Variants in LHFPL6 observed in about 807,000 individuals in gnomAD.
LHFPL6 encodes LHFPL tetraspan subfamily member 6.
LHFPL6 carries 9 observed loss-of-function variants against 20.6 expected under a neutral mutation model. That is an observed-to-expected ratio of 0.44 (90% CI 0.26 to 0.76). LHFPL6 has a LOEUF of 0.76. Among genes scored for constraint, LHFPL6 ranks in the 30% least tolerant of loss-of-function variants. LHFPL6 has a pLI of 0.20. For missense variants in LHFPL6, 218 were observed against 253.5 expected (o/e 0.86, Z 0.95); for synonymous variants, 105 against 98.7 (o/e 1.06, Z -0.38).
chr13:39,594,459 A>G (rs1485589413), intron 2 of LHFPL6, among the ~76,000 whole-genome samples: 1 of 152,248 alleles, frequency 6.6e-6, no homozygotes, highest in African/African-American at 2.4e-5. Context: ...TTAAAAAGTC[A>G]GGAAACAACA....
intron 3 of LHFPL6, among the ~76,000 whole-genome samples, chr13:39,364,550 C>A (rs1018548818): frequency 6.6e-6 from 1 of 152,194 alleles, no homozygotes; most frequent in African/African-American, 2.4e-5. Context: ...GAAACATAAC[C>A]ACATTTCAGC....
chr13:39,432,166 C>T (rs67376226), intron 2 of LHFPL6, among the ~76,000 whole-genome samples: 26,333 of 152,090 alleles, frequency 0.17, 2,630 homozygotes, highest in African/African-American at 0.27. Flanking sequence ...TTTGGACTTC[C>T]CAGCCTCCAA....
intron 2 of LHFPL6, among the ~76,000 whole-genome samples, chr13:39,563,436 G>A (rs7985865): frequency 0.055 from 8,390 of 152,218 alleles, 375 homozygotes; most frequent in African/African-American, 0.12. Context: ...ATTCCTAAGT[G>A]ACTAGAATAC....
intron 2 of LHFPL6, among the ~76,000 whole-genome samples, chr13:39,562,547 CATAT>C (rs1440643633): frequency 2.9e-5 from 4 of 137,604 alleles, no homozygotes; most frequent in African/African-American, 1.0e-4. Flanking sequence ...TACACATATA[CATAT>C]ATACACATAC....
chr13:39,517,496 A>G (rs9532386), intron 2 of LHFPL6, among the ~76,000 whole-genome samples: 32,125 of 151,976 alleles, frequency 0.21, 4,107 homozygotes, highest in South Asian at 0.39. Context: ...CTTTATCACT[A>G]TTGTCTATAC....
Position 39,573,594 on chromosome 13 carries a change from G to T in LHFPL6, c.385+27238C>A, listed in dbSNP as rs117278930. ...ACTTTAAATGCCCTTCTTTTACATG[G>T]TATAACTTTTTACAAAATACTTTCG... On this transcript the variant is annotated intron_variant, in intron 2 of 3. Coordinates refer to ENST00000379589, the MANE Select transcript of LHFPL6 (RefSeq NM_005780.3). Among the ~76,000 whole-genome samples the T allele has an allele frequency of 1.2e-4, 18 of 152,048 alleles. 1 individual carries two copies. In the East Asian group the frequency reaches 2.9e-3, roughly 24 times the overall value.
chr13:39,473,119 G>A (rs1872990637), intron 2 of LHFPL6, among the ~76,000 whole-genome samples: 1 of 152,002 alleles, frequency 6.6e-6, no homozygotes. Context: ...AGCTATGCAA[G>A]CTCGGGTTGG....
chr13:39,587,369 T>C (rs1872481189), intron 2 of LHFPL6, among the ~76,000 whole-genome samples: 1 of 152,132 alleles, frequency 6.6e-6, no homozygotes, highest in Admixed American at 6.5e-5. Flanking sequence ...GAGGAGGCTG[T>C]CTGCTCACCA....
chr13:39,468,280 C>T (rs1298961218), intron 2 of LHFPL6, among the ~76,000 whole-genome samples: 1 of 152,120 alleles, frequency 6.6e-6, no homozygotes, highest in African/African-American at 2.4e-5. Context: ...TTTATTCTTA[C>T]TTATCCTCTC....
chr13:39,405,111 T>C lies in LHFPL6; in HGVS notation c.386-26585A>G, dbSNP rs546098267. Among the ~76,000 whole-genome samples, 12 of 152,214 alleles carry C rather than the reference T, an allele frequency of 7.9e-5. 1 individual carries two copies. In the South Asian group the frequency reaches 2.1e-3, roughly 26 times the overall value. On this transcript the variant is annotated intron_variant, in intron 2 of 3. Coordinates refer to ENST00000379589, the MANE Select transcript of LHFPL6 (RefSeq NM_005780.3). ...ATACAAAAACAAAGACCAATAAAAT[T>C]GAGTGTGAGGTGATAAAGAGTAATA...
intron 2 of LHFPL6, among the ~76,000 whole-genome samples, chr13:39,520,261 C>T (rs1327766671): frequency 2.0e-5 from 3 of 152,142 alleles, no homozygotes; most frequent in Non-Finnish European, 4.4e-5. Context: ...CAGAACGGGA[C>T]CCAGCCAGAA....
At chr13:39,561,280 T>G (rs9594342) in intron 2 of LHFPL6, among the ~76,000 whole-genome samples, 54,544 of 151,572 alleles carry the variant, frequency 0.36, 10,242 homozygotes, top group African/African-American at 0.48. Context: ...CTAAACCCTT[T>G]CTATCCAAGC....
At chr13:39,345,937 G>A (rs1053831975) in intron 3 of LHFPL6, among the ~76,000 whole-genome samples, 8 of 152,156 alleles carry the variant, frequency 5.3e-5, no homozygotes, top group East Asian at 1.9e-4. Context: ...GAAACTGGAC[G>A]TGTCAGCCTC....
intron 2 of LHFPL6, among the ~76,000 whole-genome samples, chr13:39,551,093 G>A (rs562859481): frequency 2.3e-4 from 35 of 152,210 alleles, no homozygotes; most frequent in Middle Eastern, 3.4e-3. Context: ...AATAGCAACT[G>A]ACCCTGATTA....
intron 2 of LHFPL6, among the ~76,000 whole-genome samples, chr13:39,471,836 C>A (rs756345614): frequency 4.9e-4 from 75 of 152,216 alleles, no homozygotes; most frequent in Admixed American, 1.0e-3. Flanking sequence ...ACATGATAAT[C>A]ATTCCCATTT....
chr13:39,529,160 T>C (rs1482356157), intron 2 of LHFPL6, among the ~76,000 whole-genome samples: 1 of 152,124 alleles, frequency 6.6e-6, no homozygotes, highest in Non-Finnish European at 1.5e-5. Flanking sequence ...GGCATGATCT[T>C]GGCTCACTGT....
At chr13:39,439,605 A>G (rs1040182540) in intron 2 of LHFPL6, among the ~76,000 whole-genome samples, 1 of 152,190 alleles carries the variant, frequency 6.6e-6, no homozygotes, top group African/African-American at 2.4e-5. Flanking sequence ...ATAAATCTCA[A>G]TGTTGGAGAT....
intron 3 of LHFPL6, among the ~76,000 whole-genome samples, chr13:39,358,789 A>G (rs1372592290): frequency 2.0e-5 from 3 of 152,336 alleles, no homozygotes; most frequent in East Asian, 3.9e-4. Context: ...CATGTGAAAG[A>G]AAAAATGCTC....
intron 2 of LHFPL6, among the ~76,000 whole-genome samples, chr13:39,532,350 G>A (rs1419056860): frequency 1.3e-5 from 2 of 151,984 alleles, no homozygotes; most frequent in Admixed American, 6.6e-5. Context: ...ACCACTCCTC[G>A]ACAAACACCA....
Sources: allele counts gnomAD v4.1 joint callset (sites outside exome capture counted in the v4.1 genomes callset), GRCh38; gene constraint gnomAD v4.1.1; transcripts MANE v1.5; gene names NCBI Gene and HGNC (gene_info 2026-07-23, HGNC 2026-07-21).